The following USP16 variants were observed in gnomAD, a reference collection of about 807,000 sequenced individuals.
USP16 encodes the protein ubiquitin carboxyl-terminal hydrolase 16.
Under a neutral mutation model 95.9 loss-of-function variants are expected in USP16, and 77 were observed. The ratio of observed to expected loss-of-function variants is 0.80; its 90% confidence interval spans 0.67 to 0.97. The LOEUF is 0.97. Among genes scored for constraint, USP16 ranks in the 50% least tolerant of loss-of-function variants. The pLI is 0.00. For missense variants in USP16, 943 were observed against 959.9 expected, an observed-to-expected ratio of 0.98 and a Z score of 0.23; for synonymous variants, 303 against 318.2, an observed-to-expected ratio of 0.95 and a Z score of 0.51.
intron 10 of USP16, among the ~76,000 whole-genome samples, chr21:29,040,943 G>A (rs1398830595): frequency 1.3e-5 from 2 of 152,164 alleles, no homozygotes; most frequent in Admixed American, 1.3e-4. Flanking sequence ...ATAATTAGCA[G>A]TAATACATGA....
chr21:29,052,433 G>C (rs2085430008), intron 16 of USP16: 1 of 152,250 alleles, frequency 6.6e-6, no homozygotes, highest in Non-Finnish European at 1.5e-5. Flanking sequence ...GGCAAAGCAA[G>C]AGCTTGTGGA....
At chr21:29,049,350 C>G (rs528619798) in intron 15 of USP16, among the ~76,000 whole-genome samples, 2 of 152,148 alleles carry the variant, frequency 1.3e-5, no homozygotes, top group African/African-American at 4.8e-5. Flanking sequence ...ATCTTCAGAA[C>G]GTTTTGCCTC....
At chr21:29,037,524 T>A in intron 6 of USP16, 61 bp downstream of exon 6, 1 of 1,342,924 alleles carries the variant, frequency 7.4e-7, no homozygotes, top group East Asian at 2.7e-5. Flanking sequence ...ATCTGCTACT[T>A]ACATTATTGA....
At position 29,026,951 on chromosome 21, in the gene USP16, T is replaced by A. The variant is rs11909502; in HGVS notation, c.-41-922T>A. ...CTATGAGTGCAAAGTTTAGGGAGTG[T>A]GGTCCAGGAAACTGTTAAATGCTTC... On this transcript the variant is annotated intron_variant, in intron 1 of 17. Transcript: ENST00000399976. Among the ~76,000 whole-genome samples, 1,080 of 152,228 alleles carry A rather than the reference T, an allele frequency of 7.1e-3. 12 individuals carry two copies. The highest frequency in any genetic ancestry group is 0.025 in the African/African-American group (1,022 of 41,518).
Position 29,048,857 on chromosome 21 carries a change from T to C in USP16, c.2106+2T>C. On this transcript the variant is annotated splice_donor_variant, in intron 15 of 17. Transcript: ENST00000399976. LOFTEE classifies it high-confidence loss of function. ...CTTCATTTAAAGAGATTTCAGCAGG[T>C]ACTCCTTGTTACCCAAAATTTGTTT... The C allele has an allele frequency of 6.2e-7, 1 of 1,606,712 alleles. No homozygotes were observed. Among genetic ancestry groups the C allele is most frequent in the South Asian group, 1.1e-5 (1 of 90,080 alleles).
rs538743813 is a variant in USP16, at chr21:29,025,275, C to A, written c.-42+498C>A. ...CACACGCTTACATTTTTAATGGAAC[C>A]GAGTAGGCAGGGGAAGACTGGGAGG... is the stretch of plus-strand genomic sequence containing the variant. On this transcript the variant is annotated intron_variant, in intron 1 of 17. Transcript: ENST00000399976. 3.3e-5 allele frequency among the ~76,000 whole-genome samples: 5 copies of A among 152,182 alleles called. No homozygotes were observed. In the South Asian group the frequency reaches 1.0e-3, roughly 32 times the overall value.
intron 13 of USP16, among the ~76,000 whole-genome samples, chr21:29,045,981 G>A (rs981183536): frequency 3.9e-5 from 6 of 151,946 alleles, no homozygotes; most frequent in Non-Finnish European, 7.4e-5. Context: ...TTACAGGCAC[G>A]CCTGGCTAAT....
chr21:29,040,729 C>T (rs1216124112), intron 10 of USP16, 42 bp downstream of exon 10: 2 of 1,077,272 alleles, frequency 1.9e-6, no homozygotes, highest in Non-Finnish European at 2.7e-6. Context: ...TAGTTGAATT[C>T]CTCTGTACCT....
intron 5 of USP16, 21 bp from the exon 6 acceptor site, chr21:29,037,255 A>G: frequency 6.9e-7 from 1 of 1,457,808 alleles, no homozygotes; most frequent in Non-Finnish European, 9.3e-7. Context: ...ACATTTTGCT[A>G]AATCTTTTCT....
At chr21:29,030,212 G>T (rs1417665828) in intron 2 of USP16, among the ~76,000 whole-genome samples, 1 of 152,024 alleles carries the variant, frequency 6.6e-6, no homozygotes, top group Non-Finnish European at 1.5e-5. Flanking sequence ...CTAGCACAGT[G>T]CCTGCCCTAT....
At position 29,037,297 on chromosome 21, in the gene USP16, T is replaced by C. The variant is rs1392980165; in HGVS notation, c.470T>C (p.Ile157Thr). 1.3e-6 allele frequency: 2 copies of C among 1,543,926 alleles called. No homozygotes were observed. Among genetic ancestry groups the C allele is most frequent in the Non-Finnish European group, 8.8e-7 (1 of 1,135,388 alleles). ...PKPAEKDNGN[I>T]ELENKKLEKE... ...AAAGCAGAGAAAGATAATGGAAATA[T>C]TGAACTTGAAAATAAAAAATTAGAA... The change falls in exon 6 of 18, where the codon ATT becomes ACT. Residue 157 changes from isoleucine to threonine, a missense_variant. Coordinates refer to ENST00000399976, the MANE Select transcript of USP16 (RefSeq NM_006447.3).
At chr21:29,036,441 GT>G in intron 5 of USP16, 67 bp downstream of exon 5, 1 of 1,408,166 alleles carries the variant, frequency 7.1e-7, no homozygotes, top group Non-Finnish European at 1.0e-6. Flanking sequence ...ACTTAGATTT[GT>G]TATACTACCT....
chr21:29,053,832 T>C lies in USP16; in HGVS notation c.2224T>C (p.Tyr742His), dbSNP rs751479936. ...NVAEENTRVL[Y>H]SLYGVVEHSG... ...TGCAGAAGAAAATACAAGGGTACTC[T>C]ATTCCTTATATGGAGTTGTTGAACA... The change falls in exon 17 of 18, where the codon TAT becomes CAT. Residue 742 changes from tyrosine to histidine, a missense_variant. Physicochemically the swap from Tyr to His is moderately conservative, Grantham distance 83 (BLOSUM62 2). Transcript: ENST00000399976. 13 of 1,613,678 alleles carry C rather than the reference T, an allele frequency of 8.1e-6. No individual in the cohort carries two copies. The highest frequency in any genetic ancestry group is 1.1e-5 in the Non-Finnish European group (13 of 1,179,934).
chr21:29,037,719 G>A lies in USP16; in HGVS notation c.636+256G>A, dbSNP rs113931149. ...TCCTACCTTAGCCTCCAGAGTAGCT[G>A]GGACTACAGGCATGCGCCACCACTC... On this transcript the variant is annotated intron_variant, in intron 6 of 17. Coordinates refer to ENST00000399976, the MANE Select transcript of USP16 (RefSeq NM_006447.3). Among the ~76,000 whole-genome samples, 710 of 151,824 alleles carry A rather than the reference G, an allele frequency of 4.7e-3. 4 individuals are homozygous for A. The highest frequency in any genetic ancestry group is 0.017 in the African/African-American group (683 of 41,390).
At chr21:29,025,822 G>T in intron 1 of USP16, 1 of 675,126 alleles carries the variant, frequency 1.5e-6, no homozygotes, top group South Asian at 6.6e-5. Context: ...TTCAGGACCT[G>T]CTATGTACTA....
chr21:29,036,450 C>T, intron 5 of USP16, 76 bp downstream of exon 5: 3 of 1,314,136 alleles, frequency 2.3e-6, no homozygotes, highest in Non-Finnish European at 3.3e-6. Context: ...TGTTATACTA[C>T]CTAGCATTAC....
intron 9 of USP16, among the ~76,000 whole-genome samples, chr21:29,040,173 AT>A (rs559808236): frequency 4.6e-5 from 7 of 152,024 alleles, no homozygotes; most frequent in Non-Finnish European, 1.0e-4. Context: ...GGATACTGTG[AT>A]TTTTTCCTAT....
rs752406360 is a variant in USP16, at chr21:29,042,030, T to C, written c.1048T>C (p.Ser350Pro). Reference protein sequence around the residue: ...NKVKDYEKKKSMPSFVDRIFG... With the variant: ...NKVKDYEKKKPMPSFVDRIFG... ...CTCCATAGATTATGAGAAGAAAAAA[T>C]CAATGCCAAGTTTTGTTGACCGCAT... Residue 350 changes from serine to proline, a missense_variant, in exon 11 of 18, where the codon TCA becomes CCA. Transcript: ENST00000399976. 1.2e-6 allele frequency: 2 copies of C among 1,613,092 alleles called. No individual in the cohort carries two copies. The highest frequency in any genetic ancestry group is 1.7e-6 in the Non-Finnish European group (2 of 1,179,504).
chr21:29,030,783 C>A lies in USP16; in HGVS notation c.240+10C>A. The A allele has an allele frequency of 3.8e-6, 6 of 1,589,006 alleles. No homozygotes were observed. Among genetic ancestry groups the A allele is most frequent in the Non-Finnish European group, 5.1e-6 (6 of 1,171,666 alleles). On this transcript the variant is annotated intron_variant, in intron 3 of 17. Transcript: ENST00000399976. ...TAAATGTGGCCATCAGGTATGCTTA[C>A]GTTTTAAGATCAATATGGGATTTTA...
Sources: gnomAD v4.1 joint callset for allele counts (sites outside exome capture counted in the v4.1 genomes callset) on GRCh38, gnomAD v4.1.1 for gene constraint, MANE v1.5 for transcripts, NCBI Gene and HGNC (gene_info 2026-07-23, HGNC 2026-07-21) for gene names.